Variants in DNAH2 observed in about 807,000 individuals in gnomAD.
DNAH2 encodes axonemal beta dynein heavy chain 2.
DNAH2 carries 323 observed loss-of-function variants against 523.5 expected under a neutral mutation model. That is an observed-to-expected ratio of 0.62 (90% CI 0.56 to 0.68). The LOEUF is 0.68. DNAH2 is among the 30% of genes least tolerant of loss of function. DNAH2 has a pLI of 0.00. For missense variants in DNAH2, 4,907 were observed against 5,701.5 expected (o/e 0.86, Z 4.49); for synonymous variants, 2,093 against 2,177.4 (o/e 0.96, Z 1.08).
At chr17:7,771,040 T>C in intron 27 of DNAH2, 107 bp downstream of exon 27, 1 of 1,233,372 alleles carries the variant, frequency 8.1e-7, no homozygotes, top group Non-Finnish European at 1.1e-6. Flanking sequence ...ACCTTTAAAG[T>C]CACTCTTCAT....
In DNAH2 at chr17:7,770,775, G is replaced by A. The variant is rs1198028997; in HGVS notation, c.4204G>A (p.Ala1402Thr). The change falls in exon 27 of 86, where the codon GCA becomes ACA. Residue 1402 changes from alanine to threonine, a missense_variant. Physicochemically the swap from Ala to Thr is moderately conservative, Grantham distance 58. Around this residue, in one of 3 missense-constraint regions of DNAH2, gnomAD observed 2,806 missense variants for 3,190.8 expected, o/e 0.88. Coordinates refer to ENST00000572933, the MANE Select transcript of DNAH2 (RefSeq NM_020877.5). ...RLRGTEEVFQ[A>T]LEDNQVALST... ...CAGAGGTACAGAAGAAGTATTCCAG[G>A]CACTGGAAGATAACCAGGTAGCTCT... The A allele has an allele frequency of 1.2e-6, 2 of 1,614,134 alleles. No homozygotes were observed. The highest frequency in any genetic ancestry group is 2.2e-5 in the East Asian group (1 of 44,884).
chr17:7,723,235 G>T (rs533443079), intron 2 of DNAH2, among the ~76,000 whole-genome samples: 1,520 of 143,968 alleles, frequency 0.011, 9 homozygotes, highest in Non-Finnish European at 0.016. Flanking sequence ...CTCCCAAAGT[G>T]CTGGGATTAC....
intron 39 of DNAH2, among the ~76,000 whole-genome samples, chr17:7,785,160 G>A (rs529600052): frequency 6.6e-6 from 1 of 151,454 alleles, no homozygotes; most frequent in Non-Finnish European, 1.5e-5. Context: ...GGAGTGCAGT[G>A]GTGAGATTTC....
chr17:7,770,656 C>T lies in DNAH2; in HGVS notation c.4181+17C>T. ...TCGGCTCAGGTCAGGGGAGCTGGGG[C>T]TCTAGGAGAATGGAGGGCTGTGTGA... On this transcript the variant is annotated intron_variant, in intron 26 of 85. Transcript: ENST00000572933. The T allele has an allele frequency of 6.2e-7, 1 of 1,614,022 alleles. No individual in the cohort carries two copies. The highest frequency in any genetic ancestry group is 8.5e-7 in the Non-Finnish European group (1 of 1,179,936).
intron 58 of DNAH2, 102 bp from the exon 59 acceptor site, chr17:7,804,154 A>G (rs1278399018): frequency 8.1e-7 from 1 of 1,238,288 alleles, no homozygotes; most frequent in Non-Finnish European, 1.1e-6. Flanking sequence ...TGGCAACAGA[A>G]AGGAAGGCGG....
intron 8 of DNAH2, 107 bp from the exon 9 acceptor site, chr17:7,739,626 G>C: frequency 2.4e-6 from 2 of 822,934 alleles, no homozygotes; most frequent in Non-Finnish European, 3.7e-6. Flanking sequence ...TTTTTCACTT[G>C]CCATCACTCA....
At chr17:7,772,019 G>A (rs1047710984) in intron 28 of DNAH2, among the ~76,000 whole-genome samples, 4 of 152,080 alleles carry the variant, frequency 2.6e-5, no homozygotes, top group East Asian at 1.9e-4. Context: ...CCCAGCCTAC[G>A]TTGACTTTCT....
chr17:7,775,972 C>T (rs2076440396), intron 30 of DNAH2, 52 bp from the exon 31 acceptor site: 4 of 1,604,714 alleles, frequency 2.5e-6, no homozygotes, highest in Non-Finnish European at 2.6e-6. Context: ...TGTGGAGGAC[C>T]TTGGCCGTGC....
chr17:7,720,329 G>T (rs1487506119), intron 2 of DNAH2, among the ~76,000 whole-genome samples: 1 of 152,136 alleles, frequency 6.6e-6, no homozygotes, highest in Non-Finnish European at 1.5e-5. Context: ...GCCACCCTTT[G>T]AATCCAAAGC....
chr17:7,832,717 C>T lies in DNAH2; in HGVS notation c.12865C>T (p.Leu4289Phe), dbSNP rs138766437. The T allele has an allele frequency of 2.5e-5, 40 of 1,614,114 alleles. No homozygotes were observed. The African/African-American group carries it at 5.1e-4, about 20-fold the overall frequency. The change falls in exon 83 of 86, where the codon CTC becomes TTC. Residue 4289 changes from leucine (L) to phenylalanine (F), a missense_variant. By Grantham distance (22) the Leu-to-Phe change is conservative (BLOSUM62 0). Transcript: ENST00000572933. The surrounding 1 kb of genome is among the most constrained non-coding windows in gnomAD (Gnocchi z 4.3). ...TGGTTTCACCTTTCCCACTGGCTTCCTCACTGCTGTGCTGCAGTCTTCAGC... is the reference window on the plus strand; with the variant it reads ...TGGTTTCACCTTTCCCACTGGCTTCTTCACTGCTGTGCTGCAGTCTTCAGC... ...LSGFTFPTGF[L>F]TAVLQSSARQ...
In DNAH2 at chr17:7,727,160, G is replaced by A; in HGVS notation, c.267G>A (p.Leu89=). The change falls in exon 4 of 86, where the codon CTG becomes CTA. Residue 89 remains leucine (L), a synonymous_variant. Coordinates refer to ENST00000572933, the MANE Select transcript of DNAH2 (RefSeq NM_020877.5). The part of the protein sequence containing the change: ...LFLSRAALTG[L]ADAVWTQEHD... ...TTTCCCGAGCTGCGCTGACAGGACT[G>A]GCGGATGCAGTGTGGACACAGGAGC... 2 of 1,598,320 alleles carry A rather than the reference G, an allele frequency of 1.3e-6. No individual in the cohort carries two copies. Among genetic ancestry groups the A allele is most frequent in the Middle Eastern group, 1.7e-4 (1 of 6,018 alleles).
intron 12 of DNAH2, among the ~76,000 whole-genome samples, chr17:7,745,139 C>T (rs1415308227): frequency 6.6e-6 from 1 of 151,992 alleles, no homozygotes; most frequent in East Asian, 1.9e-4. Context: ...GGATTACAGG[C>T]GCCCGCCACC....
chr17:7,730,431 G>A (rs1009709538), intron 4 of DNAH2, among the ~76,000 whole-genome samples: 1 of 152,116 alleles, frequency 6.6e-6, no homozygotes, highest in Non-Finnish European at 1.5e-5. Context: ...CAATATAAAT[G>A]TAAAGATAAA....
intron 63 of DNAH2, among the ~76,000 whole-genome samples, chr17:7,814,349 T>C (rs2077602107): frequency 6.6e-6 from 1 of 152,128 alleles, no homozygotes; most frequent in Non-Finnish European, 1.5e-5. Flanking sequence ...CATGAGTTTT[T>C]AATTTACTTA....
At chr17:7,775,101 CA>C (rs1430862643) in intron 29 of DNAH2, 125 bp downstream of exon 29, 3 of 1,257,644 alleles carry the variant, frequency 2.4e-6, no homozygotes, top group Admixed American at 4.8e-5. Context: ...TCTCAATTCT[CA>C]GGGGGATAGA....
chr17:7,736,533 T>C (rs142908602), intron 7 of DNAH2, among the ~76,000 whole-genome samples: 2 of 152,250 alleles, frequency 1.3e-5, no homozygotes, highest in African/African-American at 4.8e-5. Flanking sequence ...CTTAGTCTGG[T>C]AGGGGAGCTA....
chr17:7,758,586 C>G lies in DNAH2; in HGVS notation c.2143C>G (p.Leu715Val), dbSNP rs772296416. 2 of 1,614,204 alleles carry G rather than the reference C, an allele frequency of 1.2e-6. No homozygotes were observed. The highest frequency in any genetic ancestry group is 1.1e-5 in the South Asian group (1 of 91,078). Residue 715 changes from leucine (L) to valine (V), a missense_variant, in exon 14 of 86, where the codon CTG (leucine) becomes GTG (valine). Physicochemically the swap from Leu to Val is conservative, Grantham distance 32. Transcript: ENST00000572933. ...GAAGATCCACCCGGGACTCAAGAAA[C>G]TGCACTGGGCCTTGAAGGGGGCCAG... ...DKKIHPGLKK[L>V]HWALKGASAF... is the part of the protein sequence containing the mutation.
chr17:7,764,269 A>G lies in DNAH2; in HGVS notation c.3332A>G (p.Asp1111Gly). The G allele has an allele frequency of 6.2e-7, 1 of 1,601,594 alleles. No homozygotes were observed. The highest frequency in any genetic ancestry group is 8.5e-7 in the Non-Finnish European group (1 of 1,173,734). Residue 1111 changes from aspartate (D) to glycine (G), a missense_variant, in exon 20 of 86, where the codon GAC becomes GGC. Asp to Gly is a moderately conservative substitution (Grantham distance 94, BLOSUM62 -1). Transcript: ENST00000572933. The stretch of plus-strand genomic sequence containing the variant: ...GAAAAGTACGAGGTGCCAGTCGAGG[A>G]CAGTGTGAGTTCCTTTGGTGTTTGG... ...ILEKYEVPVE[D>G]SVLEMLDSLN...
At chr17:7,774,267 G>C (rs2076391794) in intron 28 of DNAH2, among the ~76,000 whole-genome samples, 1 of 152,160 alleles carries the variant, frequency 6.6e-6, no homozygotes, top group Non-Finnish European at 1.5e-5. Flanking sequence ...GGGCTACTAA[G>C]TGACTCACGG....
Sources: allele counts gnomAD v4.1 joint callset (sites outside exome capture counted in the v4.1 genomes callset), GRCh38; gene constraint gnomAD v4.1.1; regional missense constraint gnomAD v4.1.1; non-coding constraint Gnocchi (gnomAD v3.1); transcripts MANE v1.5; gene names NCBI Gene and HGNC (gene_info 2026-07-23, HGNC 2026-07-21).